The following MIR2052HG variants were observed in gnomAD, a reference collection of about 807,000 sequenced individuals.
MIR2052HG encodes the protein MIR2052 host gene.
intron 2 of MIR2052HG, among the ~76,000 whole-genome samples, chr8:74,620,165 C>G (rs1054754758): frequency 6.6e-6 from 1 of 152,190 alleles, no homozygotes; most frequent in East Asian, 1.9e-4. Flanking sequence ...TATGCTGATG[C>G]AAGAGGTGGG....
chr8:74,683,683 T>C (rs906347118), intron 2 of MIR2052HG, among the ~76,000 whole-genome samples: 5 of 152,144 alleles, frequency 3.3e-5, no homozygotes, highest in Non-Finnish European at 7.4e-5. Context: ...GTTCTGTTTT[T>C]ATTCCTTCTC....
intron 2 of MIR2052HG, among the ~76,000 whole-genome samples, chr8:74,664,387 C>G (rs1808899262): frequency 6.6e-6 from 1 of 152,064 alleles, no homozygotes; most frequent in Non-Finnish European, 1.5e-5. Context: ...GGCTCTGATT[C>G]CAAAAACTGA....
At chr8:74,625,114 A>G (rs1214871542) in intron 2 of MIR2052HG, 2 of 151,860 alleles carry the variant, frequency 1.3e-5, no homozygotes, top group Non-Finnish European at 2.9e-5. Flanking sequence ...GTTGGAGTTT[A>G]GCGGTGTGAT....
At chr8:74,703,496 A>G (rs1809378125) in intron 3 of MIR2052HG, 1 of 316,024 alleles carries the variant, frequency 3.2e-6, no homozygotes, top group Middle Eastern at 8.2e-4. Context: ...ACTGTACTCC[A>G]TGGATAACAG....
At chr8:74,709,861 T>A (rs1481449204) in intron 4 of MIR2052HG, among the ~76,000 whole-genome samples, 3 of 152,312 alleles carry the variant, frequency 2.0e-5, no homozygotes, top group East Asian at 3.9e-4. Context: ...TCAGAACTTG[T>A]ATTTTTGTAT....
chr8:74,671,113 CGTGTGT>C (rs34920389), intron 2 of MIR2052HG, among the ~76,000 whole-genome samples: 69 of 148,548 alleles, frequency 4.6e-4, no homozygotes, highest in Non-Finnish European at 7.9e-4. Flanking sequence ...TGAGAGTGTA[CGTGTGT>C]GTGTGTGTGT....
intron 2 of MIR2052HG, among the ~76,000 whole-genome samples, chr8:74,638,905 A>C (rs1478726557): frequency 6.6e-6 from 1 of 152,136 alleles, no homozygotes; most frequent in Non-Finnish European, 1.5e-5. Flanking sequence ...ATGTAGAGTG[A>C]GAAGGTTGAA....
intron 4 of MIR2052HG, chr8:74,705,758 A>G (rs145919239): frequency 6.5e-5 from 11 of 170,296 alleles, no homozygotes; most frequent in Admixed American, 4.6e-4. Context: ...GTTGCAGTCC[A>G]TAGCAGACTA....
rs1458845867 is a variant in MIR2052HG, at chr8:74,608,223, ATGAACTT to A, written n.129-4629_129-4623del. Among the ~76,000 whole-genome samples the A allele has an allele frequency of 4.5e-3, 679 of 152,316 alleles. 3 individuals carry two copies. Among genetic ancestry groups the A allele is most frequent in the African/African-American group, 0.016 (656 of 41,572 alleles). On this transcript the variant is annotated intron_variant and non_coding_transcript_variant, in intron 1 of 6. Transcript: ENST00000523442. ...CTAGAGCTTCTAAGCACATAATTAGATGAACTTGCCCTATAGGGAGTGTCTGGGGAAG... is the reference window on the plus strand; with the variant it reads ...CTAGAGCTTCTAAGCACATAATTAGAGCCCTATAGGGAGTGTCTGGGGAAG...
rs936276021 is a variant in MIR2052HG at position 74,711,208 on chromosome 8, A to G, written n.371+7526A>G. On this transcript the variant is annotated intron_variant and non_coding_transcript_variant, in intron 4 of 6. Coordinates refer to ENST00000523442, the Ensembl canonical transcript of MIR2052HG. ...CTAGGTCATATTCTAGCTGTCACAC[A>G]TTCTCCTGGCTCTCTGTGCATCTGC... Among the ~76,000 whole-genome samples, 20 of 152,166 alleles carry G rather than the reference A, an allele frequency of 1.3e-4. 1 individual carries two copies. Among genetic ancestry groups the G allele is most frequent in the Non-Finnish European group, 2.8e-4 (19 of 68,010 alleles).
intron 2 of MIR2052HG, among the ~76,000 whole-genome samples, chr8:74,626,152 G>A (rs1367213758): frequency 6.6e-6 from 1 of 152,118 alleles, no homozygotes; most frequent in Non-Finnish European, 1.5e-5. Context: ...CACCTCCTTG[G>A]CTCACTCAGA....
At chr8:74,714,711 T>G (rs911787956) in intron 4 of MIR2052HG, among the ~76,000 whole-genome samples, 10 of 147,332 alleles carry the variant, frequency 6.8e-5, no homozygotes, top group South Asian at 6.6e-4. Flanking sequence ...TTTTTTTTTT[T>G]TTTTTTGTTT....
At chr8:74,628,882 G>C (rs1359739504) in intron 2 of MIR2052HG, 1 of 124,804 alleles carries the variant, frequency 8.0e-6, no homozygotes, top group African/African-American at 2.6e-5. Flanking sequence ...GCAGAAAATT[G>C]CTGGAAAAAG....
At position 74,647,554 on chromosome 8, in the gene MIR2052HG, T is replaced by G. The variant is rs147654594; in HGVS notation, n.216+34614T>G. 2.0e-4 allele frequency among the ~76,000 whole-genome samples: 31 copies of G among 152,366 alleles called. No homozygotes were observed. The East Asian group carries it at 5.6e-3, about 27-fold the overall frequency. On this transcript the variant is annotated intron_variant and non_coding_transcript_variant, in intron 2 of 6. Transcript: ENST00000523442. Reference sequence around the variant, plus strand: ...CATTCAGATTTATTGAAAAAATGTTTTAAGCATTTAGTCCTAAGAACACAT... The same window carrying G: ...CATTCAGATTTATTGAAAAAATGTTGTAAGCATTTAGTCCTAAGAACACAT...
chr8:74,680,498 C>G (rs1809110841), intron 2 of MIR2052HG, among the ~76,000 whole-genome samples: 2 of 152,096 alleles, frequency 1.3e-5, no homozygotes, highest in South Asian at 4.2e-4. Context: ...AAATGCAAAT[C>G]AAAACCACAA....
intron 2 of MIR2052HG, among the ~76,000 whole-genome samples, chr8:74,676,705 G>T (rs139467637): frequency 6.6e-6 from 1 of 152,002 alleles, no homozygotes; most frequent in Non-Finnish European, 1.5e-5. Flanking sequence ...AGATGAATAA[G>T]TACTAGAGAT....
At position 74,633,074 on chromosome 8, in the gene MIR2052HG, CAG is replaced by C. The variant is rs542712847; in HGVS notation, n.216+20135_216+20136del. ...TTGCTTTGTTGCCCAGACTGTAGTA[CAG>C]TGGCTTGATCATGGCTCACTGCAGC... is the stretch of plus-strand genomic sequence containing the variant. On this transcript the variant is annotated intron_variant and non_coding_transcript_variant, in intron 2 of 6. Transcript: ENST00000523442. Among the ~76,000 whole-genome samples, 154 of 152,248 alleles carry C rather than the reference CAG, an allele frequency of 1.0e-3. 1 individual carries two copies. The highest frequency in any genetic ancestry group is 3.5e-3 in the African/African-American group (147 of 41,554).
intron 1 of MIR2052HG, among the ~76,000 whole-genome samples, chr8:74,602,817 G>GTTTCTTTCTTTCTTTCTTTTC (rs1808024026): frequency 1.4e-5 from 1 of 73,786 alleles, no homozygotes; most frequent in Non-Finnish European, 2.5e-5. Context: ...GCCCGGCCGT[G>GTTTCTTTCTTTCTTTCTTTTC]TTTCTTTCTT....
At chr8:74,644,689 A>G (rs1481878213) in intron 2 of MIR2052HG, among the ~76,000 whole-genome samples, 1 of 151,990 alleles carries the variant, frequency 6.6e-6, no homozygotes, top group Non-Finnish European at 1.5e-5. Flanking sequence ...TCAGGAGTTC[A>G]AGACCAGCCT....
Sources: gnomAD v4.1 joint callset for allele counts (sites outside exome capture counted in the v4.1 genomes callset) on GRCh38, gnomAD v4.1.1 for gene constraint, MANE v1.5 for transcripts, NCBI Gene and HGNC (gene_info 2026-07-23, HGNC 2026-07-21) for gene names.